EXT2: variants seen among roughly 807,000 people sequenced by gnomAD.
EXT2 encodes exostosin glycosyltransferase 2, also known as exostosin-2.
In EXT2, 53 loss-of-function variants were observed where a neutral mutation model predicts 81.6. The ratio of observed to expected loss-of-function variants is 0.65; its 90% CI spans 0.52 to 0.82. The LOEUF is 0.82. EXT2 is among the 40% of genes least tolerant of loss of function. EXT2 has a pLI of 0.00. For synonymous variants in EXT2, 320 were observed against 340.0 expected, an observed-to-expected ratio of 0.94 and a Z score of 0.65; for missense variants, 774 against 910.2, an observed-to-expected ratio of 0.85 and a Z score of 1.93.
intron 13 of EXT2, among the ~76,000 whole-genome samples, chr11:44,243,889 C>T (rs1030715920): frequency 6.6e-6 from 1 of 152,082 alleles, no homozygotes; most frequent in Non-Finnish European, 1.5e-5. Flanking sequence ...CCGTGGCCTC[C>T]AAGCAGCATC....
At chr11:44,098,892 C>A (rs990233718) in intron 1 of EXT2, among the ~76,000 whole-genome samples, 1 of 152,150 alleles carries the variant, frequency 6.6e-6, no homozygotes, top group Non-Finnish European at 1.5e-5. Context: ...GAGGCCGTCA[C>A]ATATAATAAC....
intron 1 of EXT2, 109 bp downstream of exon 1, chr11:44,095,961 G>A: frequency 4.6e-6 from 2 of 431,902 alleles, no homozygotes; most frequent in Non-Finnish European, 8.6e-6. Flanking sequence ...GCGGCCGCGC[G>A]GAGGCTCCGT....
intron 3 of EXT2, among the ~76,000 whole-genome samples, chr11:44,110,807 G>A (rs1200809963): frequency 6.6e-6 from 1 of 152,196 alleles, no homozygotes; most frequent in African/African-American, 2.4e-5. Flanking sequence ...GATCAGGAAG[G>A]TTAAATAGTT....
chr11:44,178,800 TAAA>T (rs5791612), intron 8 of EXT2, among the ~76,000 whole-genome samples: 6 of 150,634 alleles, frequency 4.0e-5, no homozygotes, highest in Admixed American at 1.3e-4. Context: ...TAGATATGAT[TAAA>T]AAAAAAAAAT....
intron 1 of EXT2, among the ~76,000 whole-genome samples, chr11:44,104,040 T>C (rs1476418936): frequency 6.6e-6 from 1 of 152,216 alleles, no homozygotes; most frequent in Non-Finnish European, 1.5e-5. Flanking sequence ...TTTTACTTTG[T>C]TGTGATATGT....
chr11:44,135,301 C>A (rs936556876), intron 7 of EXT2, among the ~76,000 whole-genome samples: 2 of 151,742 alleles, frequency 1.3e-5, no homozygotes, highest in African/African-American at 4.8e-5. Flanking sequence ...TTGGAAGAGA[C>A]ACATTTAAAG....
chr11:44,096,457 G>A (rs1953899023), intron 1 of EXT2: 3 of 888,488 alleles, frequency 3.4e-6, no homozygotes, highest in African/African-American at 3.3e-5. Context: ...GTCATGTTGG[G>A]CCAGGCACTA....
chr11:44,176,900 A>G (rs1349513724), intron 8 of EXT2, among the ~76,000 whole-genome samples: 2 of 146,372 alleles, frequency 1.4e-5, no homozygotes, highest in Non-Finnish European at 3.0e-5. Context: ...TTTTGGCTAG[A>G]TGCAGCTGCC....
At chr11:44,132,127 C>G (rs1954502350) in intron 7 of EXT2, among the ~76,000 whole-genome samples, 1 of 152,194 alleles carries the variant, frequency 6.6e-6, no homozygotes. Flanking sequence ...ATACTAGAAT[C>G]TAGTCTAGAA....
intron 5 of EXT2, 132 bp downstream of exon 5, chr11:44,125,116 G>A: frequency 1.2e-6 from 1 of 839,184 alleles, no homozygotes; most frequent in Non-Finnish European, 2.0e-6. Flanking sequence ...ACATAGCATT[G>A]CTCTTTACTG....
chr11:44,147,646 C>T (rs150238623), intron 7 of EXT2, among the ~76,000 whole-genome samples: 4,852 of 151,950 alleles, frequency 0.032, 255 homozygotes, highest in African/African-American at 0.11. Flanking sequence ...CTGCAAGCTC[C>T]GCCTCCCGGG....
intron 7 of EXT2, among the ~76,000 whole-genome samples, chr11:44,131,713 G>C (rs1323641662): frequency 6.6e-6 from 1 of 152,130 alleles, no homozygotes; most frequent in Non-Finnish European, 1.5e-5. Context: ...GCCCCTTGAG[G>C]AGTCATAATG....
At chr11:44,096,463 C>T (rs1953899069) in intron 1 of EXT2, 1 of 808,350 alleles carries the variant, frequency 1.2e-6, no homozygotes, top group Non-Finnish European at 2.0e-6. Context: ...TTGGGCCAGG[C>T]ACTAGGTGGC....
chr11:44,205,574 G>C (rs572443723), intron 9 of EXT2, among the ~76,000 whole-genome samples: 1 of 152,306 alleles, frequency 6.6e-6, no homozygotes, highest in East Asian at 1.9e-4. Context: ...CCTCTCACTT[G>C]CACAGGCCTC....
intron 7 of EXT2, among the ~76,000 whole-genome samples, chr11:44,155,252 A>C (rs1171445556): frequency 6.6e-6 from 1 of 152,064 alleles, no homozygotes; most frequent in East Asian, 1.9e-4. Context: ...TAAGTCTTTA[A>C]TCCATTTTGA....
intron 10 of EXT2, among the ~76,000 whole-genome samples, chr11:44,207,739 G>T (rs151252121): frequency 1.7e-4 from 26 of 152,028 alleles, no homozygotes; most frequent in African/African-American, 6.0e-4. Context: ...TTGAATTTGG[G>T]GTTCTTAAAT....
At chr11:44,153,817 T>C (rs1954823865) in intron 7 of EXT2, among the ~76,000 whole-genome samples, 2 of 152,126 alleles carry the variant, frequency 1.3e-5, no homozygotes, top group South Asian at 2.1e-4. Context: ...ATTACATTAA[T>C]TGATCTGTGA....
chr11:44,239,394 T>TG (rs1281351167), intron 13 of EXT2, among the ~76,000 whole-genome samples: 1 of 5,658 alleles, frequency 1.8e-4, no homozygotes, highest in Non-Finnish European at 5.9e-4. Flanking sequence ...CTGTATATAC[T>TG]TTTTTTTTTT....
chr11:44,208,513 C>T (rs533802672), intron 10 of EXT2, among the ~76,000 whole-genome samples: 1 of 152,216 alleles, frequency 6.6e-6, no homozygotes, highest in Non-Finnish European at 1.5e-5. Flanking sequence ...CCTCTTTCCT[C>T]TGATTACTTG....
Sources: gnomAD v4.1 joint callset for allele counts (sites outside exome capture counted in the v4.1 genomes callset) on GRCh38, gnomAD v4.1.1 for gene constraint, MANE v1.5 for transcripts, NCBI Gene and HGNC (gene_info 2026-07-23, HGNC 2026-07-21) for gene names.